The following PTPRN2 variants were observed in gnomAD, a reference collection of about 807,000 sequenced individuals.
PTPRN2 encodes receptor-type tyrosine-protein phosphatase N2.
A neutral mutation model predicts 118.8 loss-of-function variants in PTPRN2; 74 were observed. That is an observed-to-expected ratio of 0.62 (90% CI 0.52 to 0.76). The LOEUF is 0.76. Among genes scored for constraint, PTPRN2 ranks in the 30% least tolerant of loss-of-function variants. The pLI is 0.00. For synonymous variants in PTPRN2, 641 were observed against 608.0 expected, an observed-to-expected ratio of 1.05 and a Z score of -0.80; for missense variants, 1,481 against 1,394.4, an observed-to-expected ratio of 1.06 and a Z score of -0.99.
At chr7:157,775,598 G>A (rs987034851) in intron 12 of PTPRN2, among the ~76,000 whole-genome samples, 11 of 152,210 alleles carry the variant, frequency 7.2e-5, no homozygotes, top group East Asian at 5.8e-4. Flanking sequence ...GGGAGCCGGC[G>A]CTCACATGCA....
chr7:157,871,704 A>G (rs562955959), intron 12 of PTPRN2, among the ~76,000 whole-genome samples: 2 of 151,854 alleles, frequency 1.3e-5, no homozygotes, highest in African/African-American at 4.8e-5. Context: ...TAGGGTTAAC[A>G]TTTCCCTAAC....
At chr7:157,665,628 T>C (rs898943466) in intron 13 of PTPRN2, among the ~76,000 whole-genome samples, 2 of 134,900 alleles carry the variant, frequency 1.5e-5, no homozygotes, top group African/African-American at 5.1e-5. Flanking sequence ...AAAAACAATA[T>C]ATATGTGAAC....
intron 2 of PTPRN2, among the ~76,000 whole-genome samples, chr7:158,330,537 GACACCCGC>G (rs1804155741): frequency 1.3e-5 from 1 of 79,586 alleles, no homozygotes; most frequent in African/African-American, 4.4e-5. Flanking sequence ...CATAAGAGCT[GACACCCGC>G]AGACGTCACT....
rs1798820888 is a variant in PTPRN2 at position 157,555,209 on chromosome 7, ACTCAGGG to A, written c.2903-6197_2903-6191del. 5.9e-5 allele frequency among the ~76,000 whole-genome samples: 9 copies of A among 152,232 alleles called. No individual in the cohort carries two copies. The South Asian group carries it at 1.7e-3, about 28-fold the overall frequency. On this transcript the variant is annotated intron_variant, in intron 21 of 22. Transcript: ENST00000389418. ...CGCTCTCATTGTTATTTTCTAATTC[ACTCAGGG>A]CTCATTGGGTTAAAAGTTTATACAT...
At chr7:158,076,816 T>C (rs1003138530) in intron 11 of PTPRN2, among the ~76,000 whole-genome samples, 9 of 152,194 alleles carry the variant, frequency 5.9e-5, no homozygotes, top group African/African-American at 2.2e-4. Flanking sequence ...AACTCCCGTC[T>C]GAACAGCCCT....
intron 1 of PTPRN2, among the ~76,000 whole-genome samples, chr7:158,515,925 T>G (rs1310687309): frequency 6.6e-6 from 1 of 152,168 alleles, no homozygotes; most frequent in Non-Finnish European, 1.5e-5. Context: ...CATAGTCCAG[T>G]CTTTCTGGAC....
chr7:157,960,744 C>T (rs1442541365), intron 11 of PTPRN2, among the ~76,000 whole-genome samples: 2 of 152,226 alleles, frequency 1.3e-5, no homozygotes, highest in African/African-American at 2.4e-5. Context: ...TGGTGGCTTA[C>T]GCCTGTAATC....
chr7:157,796,660 C>T (rs1804885483), intron 12 of PTPRN2, among the ~76,000 whole-genome samples: 2 of 152,100 alleles, frequency 1.3e-5, no homozygotes, highest in South Asian at 4.2e-4. Context: ...CAGAGCTCTG[C>T]AGGTTGCACA....
intron 2 of PTPRN2, among the ~76,000 whole-genome samples, chr7:158,332,813 G>T (rs370823089): frequency 5.0e-5 from 6 of 120,828 alleles, no homozygotes; most frequent in Non-Finnish European, 5.0e-5. Flanking sequence ...CGTCACTCAC[G>T]TACACACTTC....
At chr7:158,347,551 T>C (rs1807605178) in intron 2 of PTPRN2, among the ~76,000 whole-genome samples, 1 of 152,240 alleles carries the variant, frequency 6.6e-6, no homozygotes, top group Non-Finnish European at 1.5e-5. Context: ...CATCCAGCTT[T>C]GTTCCTTTGG....
chr7:157,790,986 G>A (rs895549847), intron 12 of PTPRN2, among the ~76,000 whole-genome samples: 7 of 152,252 alleles, frequency 4.6e-5, no homozygotes, highest in African/African-American at 1.4e-4. Context: ...TACTGCTGTT[G>A]CACATGCAAA....
chr7:157,894,033 G>T (rs1056400119), intron 12 of PTPRN2, among the ~76,000 whole-genome samples: 1 of 152,210 alleles, frequency 6.6e-6, no homozygotes, highest in Non-Finnish European at 1.5e-5. Context: ...TGATGGAAGG[G>T]TTTGTCTGTT....
chr7:158,483,644 G>T (rs1264305702), intron 2 of PTPRN2, among the ~76,000 whole-genome samples: 1 of 152,170 alleles, frequency 6.6e-6, no homozygotes, highest in African/African-American at 2.4e-5. Flanking sequence ...CTTGTTTTGT[G>T]TTGGGTTGAA....
At chr7:157,748,299 G>C (rs4998853) in intron 12 of PTPRN2, among the ~76,000 whole-genome samples, 8,762 of 81,750 alleles carry the variant, frequency 0.11, 590 homozygotes, top group Admixed American at 0.25. Flanking sequence ...GGTGTCTGGG[G>C]GATTCTGAGG....
intron 9 of PTPRN2, among the ~76,000 whole-genome samples, chr7:158,119,386 T>C (rs1191495539): frequency 2.0e-5 from 3 of 152,140 alleles, no homozygotes; most frequent in South Asian, 2.1e-4. Flanking sequence ...ATAGTAAACG[T>C]TGGCAAAGAT....
At chr7:158,287,194 T>C (rs1015656319) in intron 3 of PTPRN2, among the ~76,000 whole-genome samples, 1 of 152,154 alleles carries the variant, frequency 6.6e-6, no homozygotes, top group African/African-American at 2.4e-5. Context: ...GTTTCCTCCT[T>C]CATTTCTCAT....
At chr7:158,226,923 G>A (rs567464103) in intron 3 of PTPRN2, among the ~76,000 whole-genome samples, 34 of 152,086 alleles carry the variant, frequency 2.2e-4, no homozygotes, top group Non-Finnish European at 3.7e-4. Context: ...GGATCCAGGC[G>A]ACAGGCTGTT....
rs891512091 is a variant in PTPRN2, at chr7:158,150,764, C to T, written c.911-12249G>A. On this transcript the variant is annotated intron_variant, in intron 6 of 22. Transcript: ENST00000389418. ...TTCTTTCCTGGTCTGTGAGACGCTG[C>T]GTATCTGCAGCACCGCGACCCAGCA... is the stretch of plus-strand genomic sequence containing the variant. Among the ~76,000 whole-genome samples the T allele has an allele frequency of 1.1e-4, 16 of 151,866 alleles. No homozygotes were observed. The East Asian group carries it at 1.5e-3, about 15-fold the overall frequency.
chr7:158,375,114 G>A (rs114144110), intron 2 of PTPRN2, among the ~76,000 whole-genome samples: 11 of 150,928 alleles, frequency 7.3e-5, no homozygotes, highest in African/African-American at 5.0e-5. Context: ...GCTGCTTCAC[G>A]TGGCAGTGAG....
Sources: allele counts gnomAD v4.1 joint callset (sites outside exome capture counted in the v4.1 genomes callset), GRCh38; gene constraint gnomAD v4.1.1; transcripts MANE v1.5; gene names NCBI Gene and HGNC (gene_info 2026-07-23, HGNC 2026-07-21).